The following KIAA0319 variants were observed in gnomAD, a reference collection of about 807,000 sequenced individuals.
The protein encoded by KIAA0319 is KIAA0319.
A neutral mutation model predicts 108.4 loss-of-function variants in KIAA0319; 83 were observed. The observed-to-expected ratio is 0.77, with a 90% CI of 0.64 to 0.92. The LOEUF (loss-of-function observed/expected upper bound fraction) is 0.92. Ranked by LOEUF, KIAA0319 falls within the 40% of genes least tolerant of loss-of-function variation. KIAA0319 has a pLI of 0.00. For synonymous variants in KIAA0319, 484 were observed against 510.4 expected (o/e 0.95, Z 0.70); for missense variants, 1,195 against 1,322.4 (o/e 0.90, Z 1.49).
At chr6:24,585,357 G>GT (rs1284936764) in intron 4 of KIAA0319, among the ~76,000 whole-genome samples, 18 of 151,018 alleles carry the variant, frequency 1.2e-4, no homozygotes, top group African/African-American at 4.1e-4. Flanking sequence ...AAAGCTACAT[G>GT]CCTTCCTTAT....
chr6:24,556,569 G>C, intron 18 of KIAA0319, 38 bp downstream of exon 18: 1 of 1,603,916 alleles, frequency 6.2e-7, no homozygotes, highest in Non-Finnish European at 8.5e-7. Context: ...GCTGCCTTAA[G>C]GCTCCTCACC....
At chr6:24,553,317 ACACACACACACACACACACG>A (rs1224908379) in intron 19 of KIAA0319, among the ~76,000 whole-genome samples, 1 of 115,574 alleles carries the variant, frequency 8.7e-6, no homozygotes, top group Non-Finnish European at 1.8e-5. Context: ...ACACACACAC[ACACACACACACACACACACG>A]CACATATATA....
chr6:24,561,473 T>C (rs955235455), intron 16 of KIAA0319, among the ~76,000 whole-genome samples: 4 of 152,232 alleles, frequency 2.6e-5, no homozygotes, highest in African/African-American at 9.6e-5. Flanking sequence ...TATGTCTGTT[T>C]AGGAATTTGT....
chr6:24,569,808 G>T, intron 12 of KIAA0319, 95 bp downstream of exon 12: 1 of 1,452,262 alleles, frequency 6.9e-7, no homozygotes, highest in Non-Finnish European at 9.4e-7. Context: ...TCCTCAAAAT[G>T]CGCAAGCTGA....
intron 4 of KIAA0319, 108 bp downstream of exon 4, chr6:24,588,485 G>C (rs1767908622): frequency 2.3e-6 from 2 of 874,828 alleles, no homozygotes; most frequent in South Asian, 1.5e-5. Context: ...CATGATAGAT[G>C]CTGAAAAATG....
intron 11 of KIAA0319, among the ~76,000 whole-genome samples, chr6:24,570,849 T>G (rs1221833795): frequency 6.6e-6 from 1 of 152,128 alleles, no homozygotes; most frequent in South Asian, 2.1e-4. Context: ...CAGTAAATAT[T>G]CAAAACATTT....
At chr6:24,608,111 T>C (rs1334706390) in intron 1 of KIAA0319, among the ~76,000 whole-genome samples, 1 of 152,032 alleles carries the variant, frequency 6.6e-6, no homozygotes, top group Non-Finnish European at 1.5e-5. Flanking sequence ...TAGAGGACTA[T>C]AGCAACAGCA....
At chr6:24,635,543 A>C (rs1440448346) in intron 1 of KIAA0319, among the ~76,000 whole-genome samples, 1 of 152,230 alleles carries the variant, frequency 6.6e-6, no homozygotes, top group African/African-American at 2.4e-5. Context: ...TTGATAATAC[A>C]AGGAGAAGTC....
chr6:24,556,877 GAT>G, intron 17 of KIAA0319, 148 bp from the exon 18 acceptor site: 1 of 913,318 alleles, frequency 1.1e-6, no homozygotes, highest in South Asian at 2.2e-5. Flanking sequence ...GGGTTCTGGA[GAT>G]AGTCTCTCAT....
intron 4 of KIAA0319, among the ~76,000 whole-genome samples, chr6:24,588,316 C>T (rs1767881319): frequency 6.6e-6 from 1 of 152,180 alleles, no homozygotes; most frequent in Non-Finnish European, 1.5e-5. Flanking sequence ...GATCAGGGTG[C>T]CCCTCTGCTC....
chr6:24,627,745 T>G (rs1774914110), intron 1 of KIAA0319, among the ~76,000 whole-genome samples: 1 of 152,248 alleles, frequency 6.6e-6, no homozygotes, highest in African/African-American at 2.4e-5. Context: ...TCCAGCAATC[T>G]TCTTACTGGT....
chr6:24,549,646 CAT>C (rs1761176608), intron 20 of KIAA0319, among the ~76,000 whole-genome samples: 1 of 152,190 alleles, frequency 6.6e-6, no homozygotes, highest in South Asian at 2.1e-4. Context: ...TCAGTTTCCT[CAT>C]GTGTAAAATG....
Position 24,547,032 on chromosome 6 carries a change from C to G in KIAA0319, c.*133G>C. On this transcript the variant is annotated 3_prime_UTR_variant, in exon 21 of 21. Coordinates refer to ENST00000378214, the MANE Select transcript of KIAA0319 (RefSeq NM_014809.4). ...GCCTTCAAAAACCGGTCTTTTAGTA[C>G]GTGGGGATACACATCTAACCCACTG... 6 of 893,780 alleles carry G rather than the reference C, an allele frequency of 6.7e-6. No homozygotes were observed. The highest frequency in any genetic ancestry group is 1.0e-5 in the Non-Finnish European group (6 of 580,180). The allele number at this position is 893,780 out of a possible 1,614,324, so 55.4% of individuals were successfully genotyped here.
chr6:24,562,812 C>T (rs1376082662), intron 16 of KIAA0319, among the ~76,000 whole-genome samples: 1 of 151,908 alleles, frequency 6.6e-6, no homozygotes, highest in Non-Finnish European at 1.5e-5. Context: ...GCACTTTAGC[C>T]TAGGCAACAG....
In KIAA0319 at chr6:24,576,462, G is replaced by A. The variant is rs190052512; in HGVS notation, c.1640C>T (p.Thr547Ile). The A allele has an allele frequency of 5.6e-6, 9 of 1,614,188 alleles. No homozygotes were observed. The East Asian group carries it at 2.0e-4, about 36-fold the overall frequency. Residue 547 changes from threonine (T) to isoleucine (I), a missense_variant, in exon 10 of 21, where the codon ACT becomes ATT. Physicochemically the swap from Thr to Ile is moderately conservative, Grantham distance 89. Coordinates refer to ENST00000378214, the MANE Select transcript of KIAA0319 (RefSeq NM_014809.4). ...GTCACTGCTCTGGTTTCCATTCAAAGTGATGGAGTTTTGGGGCAAAGTTAT... is the reference window on the plus strand; with the variant it reads ...GTCACTGCTCTGGTTTCCATTCAAAATGATGGAGTTTTGGGGCAAAGTTAT... ...HTITLPQNSI[T>I]LNGNQSSDDH...
At chr6:24,627,802 T>C (rs1457989823) in intron 1 of KIAA0319, among the ~76,000 whole-genome samples, 1 of 152,228 alleles carries the variant, frequency 6.6e-6, no homozygotes, top group Non-Finnish European at 1.5e-5. Flanking sequence ...CAGATAATTA[T>C]CTAATGAACT....
At chr6:24,623,801 G>A (rs960606162) in intron 1 of KIAA0319, among the ~76,000 whole-genome samples, 3 of 152,024 alleles carry the variant, frequency 2.0e-5, no homozygotes, top group Non-Finnish European at 2.9e-5. Flanking sequence ...CCAACATAAA[G>A]AAATGATAAA....
intron 3 of KIAA0319, among the ~76,000 whole-genome samples, chr6:24,591,464 A>AT (rs1768452148): frequency 6.6e-6 from 1 of 152,122 alleles, no homozygotes; most frequent in South Asian, 2.1e-4. Context: ...AATAAAAAAA[A>AT]TTAGCTGGGC....
At chr6:24,616,252 A>G (rs16889523) in intron 1 of KIAA0319, among the ~76,000 whole-genome samples, 1 of 152,178 alleles carries the variant, frequency 6.6e-6, no homozygotes, top group East Asian at 1.9e-4. Flanking sequence ...CTCTTGAGGT[A>G]TCCTTAAAAT....
Sources: gnomAD v4.1 joint callset for allele counts (sites outside exome capture counted in the v4.1 genomes callset) on GRCh38, gnomAD v4.1.1 for gene constraint, MANE v1.5 for transcripts, NCBI Gene and HGNC (gene_info 2026-07-23, HGNC 2026-07-21) for gene names.